The following RBM19 variants were observed in gnomAD, a reference collection of about 807,000 sequenced individuals.
RBM19 encodes probable RNA-binding protein 19.
In RBM19, 94 loss-of-function variants were observed where a neutral mutation model predicts 116.8. That is an observed-to-expected ratio of 0.80 (90% CI 0.68 to 0.95). The LOEUF (loss-of-function observed/expected upper bound fraction) is 0.95. Among genes scored for constraint, RBM19 ranks in the 40% least tolerant of loss-of-function variants. The probability of loss-of-function intolerance (pLI) is 0.00; values close to 1 mark genes in which losing one functional copy is unlikely to be tolerated. For missense variants in RBM19, 1,161 were observed against 1,220.7 expected (o/e 0.95, Z 0.73); for synonymous variants, 475 against 494.1 (o/e 0.96, Z 0.51).
chr12:113,922,778 C>T (rs911666302), intron 18 of RBM19, among the ~76,000 whole-genome samples: 1 of 152,142 alleles, frequency 6.6e-6, no homozygotes, highest in East Asian at 1.9e-4. Flanking sequence ...AGAATCCTGA[C>T]CCCCAGTATC....
chr12:113,851,877 C>T (rs1418745599), intron 22 of RBM19, among the ~76,000 whole-genome samples: 1 of 151,748 alleles, frequency 6.6e-6, no homozygotes, highest in Non-Finnish European at 1.5e-5. Context: ...ATGGAGAAAC[C>T]CCGTCTCTAC....
At chr12:113,849,127 A>C (rs1250959197) in intron 22 of RBM19, among the ~76,000 whole-genome samples, 1 of 152,166 alleles carries the variant, frequency 6.6e-6, no homozygotes, top group Non-Finnish European at 1.5e-5. Context: ...CTCCTCCTGC[A>C]CAGGCAACAG....
chr12:113,895,645 C>T (rs956405200), intron 21 of RBM19, among the ~76,000 whole-genome samples: 2 of 152,142 alleles, frequency 1.3e-5, no homozygotes, highest in South Asian at 2.1e-4. Context: ...GAAGGAGATT[C>T]GCAAATGAGT....
At chr12:113,826,442 C>T (rs534716966) in intron 23 of RBM19, among the ~76,000 whole-genome samples, 2 of 152,182 alleles carry the variant, frequency 1.3e-5, no homozygotes, top group African/African-American at 2.4e-5. Flanking sequence ...AATTGAGGGT[C>T]AAGTAGTGTA....
chr12:113,888,141 C>T (rs570525040), intron 21 of RBM19, among the ~76,000 whole-genome samples: 20 of 152,264 alleles, frequency 1.3e-4, no homozygotes, highest in Admixed American at 2.0e-4. Context: ...AGAAAGACAG[C>T]GAGAGAACAG....
intron 1 of RBM19, among the ~76,000 whole-genome samples, chr12:113,964,226 AC>A (rs1460571603): frequency 6.6e-6 from 1 of 152,192 alleles, no homozygotes; most frequent in Non-Finnish European, 1.5e-5. Flanking sequence ...TATAAATTAC[AC>A]CAGTGTGTGA....
rs181990601 is a variant in RBM19, at chr12:113,869,271, G to A, written c.2559-10375C>T. Among the ~76,000 whole-genome samples the A allele has an allele frequency of 6.3e-4, 96 of 152,326 alleles. 1 individual carries two copies. The highest frequency in any genetic ancestry group is 2.2e-3 in the African/African-American group (90 of 41,578). ...ATTCTGTGATTCGTGGAACTCTGAA[G>A]AAGCAGTGGATCTCCCTCTTATCCA... is the stretch of plus-strand genomic sequence containing the variant. On this transcript the variant is annotated intron_variant, in intron 21 of 23. Transcript: ENST00000261741.
At chr12:113,850,437 G>T (rs964664896) in intron 22 of RBM19, among the ~76,000 whole-genome samples, 1 of 152,236 alleles carries the variant, frequency 6.6e-6, no homozygotes, top group Non-Finnish European at 1.5e-5. Context: ...GCATCAAGAG[G>T]CCTGGCCTCC....
chr12:113,946,620 C>T (rs1003269098), intron 11 of RBM19, 145 bp from the exon 12 acceptor site: 8 of 1,036,224 alleles, frequency 7.7e-6, no homozygotes, highest in East Asian at 2.6e-5. Context: ...TCAGGTAGAA[C>T]GTGGCCACTC....
Position 113,955,127 on chromosome 12 carries a change from A to G in RBM19, c.921+4T>C, listed in dbSNP as rs767151906. The G allele has an allele frequency of 3.7e-6, 6 of 1,613,884 alleles. No individual in the cohort carries two copies. Among genetic ancestry groups the G allele is most frequent in the African/African-American group, 1.3e-5 (1 of 75,030 alleles). On this transcript the variant is annotated splice_donor_region_variant and intron_variant, in intron 7 of 23. Transcript: ENST00000261741. ...GCCGACCCTTGTCCTCAGTTAGCACATACCTCTGTGACATTGAACGGGGCT... is the reference window on the plus strand; with the variant it reads ...GCCGACCCTTGTCCTCAGTTAGCACGTACCTCTGTGACATTGAACGGGGCT...
Position 113,946,454 on chromosome 12 carries a change from G to T in RBM19, c.1429C>A (p.Pro477Thr). 6.2e-7 allele frequency: 1 copy of T among 1,614,154 alleles called. No homozygotes were observed. Among genetic ancestry groups the T allele is most frequent in the Non-Finnish European group, 8.5e-7 (1 of 1,180,004 alleles). ...CTGGCTTCCTTCTTGATGGTAGATG[G>T]TAACACGTGGAGCATCCTGCCCTGG... ...VFQGRMLHVLPSTIKKEASED... is the reference protein window; with the variant it reads ...VFQGRMLHVLTSTIKKEASED... The change falls in exon 12 of 24, where the codon CCA (proline) becomes ACA (threonine). Residue 477 changes from proline to threonine, a missense_variant. By Grantham distance (38) the Pro-to-Thr change is conservative. Transcript: ENST00000261741.
chr12:113,877,958 C>G (rs1317054409), intron 21 of RBM19, among the ~76,000 whole-genome samples: 1 of 152,152 alleles, frequency 6.6e-6, no homozygotes, highest in Non-Finnish European at 1.5e-5. Context: ...CCATGGCCTA[C>G]CGGCAGAATC....
chr12:113,895,354 G>A (rs1334588174), intron 21 of RBM19, among the ~76,000 whole-genome samples: 1 of 152,080 alleles, frequency 6.6e-6, no homozygotes, highest in African/African-American at 2.4e-5. Flanking sequence ...GAAACAGTCA[G>A]GACCACCTCT....
intron 16 of RBM19, 42 bp downstream of exon 16, chr12:113,936,965 A>G: frequency 3.1e-6 from 5 of 1,602,460 alleles, no homozygotes; most frequent in Non-Finnish European, 4.3e-6. Context: ...CCTTTCCCTC[A>G]CCAGGATCCC....
intron 21 of RBM19, among the ~76,000 whole-genome samples, chr12:113,890,571 C>T (rs557896504): frequency 6.6e-6 from 1 of 152,344 alleles, no homozygotes; most frequent in East Asian, 1.9e-4. Flanking sequence ...CACTGGCTTC[C>T]GAGTGTATCG....
In RBM19 at chr12:113,937,073, G is replaced by A. The variant is rs1413552600; in HGVS notation, c.2002C>T (p.Gln668Ter). Residue 668 changes from glutamine to a stop codon, truncating the protein, a stop_gained, in exon 16 of 24, where the codon CAG becomes TAG. Coordinates refer to ENST00000261741, the MANE Select transcript of RBM19 (RefSeq NM_016196.4). LOFTEE classifies it high-confidence loss of function. ...GGTGTGTCTTGGAGCTTTTTCTTCTGTGGGGCTGTGCTGGAGAAGACGCCA... is the reference window on the plus strand; with the variant it reads ...GGTGTGTCTTGGAGCTTTTTCTTCTATGGGGCTGTGCTGGAGAAGACGCCA... ...PVGVFSSTAP[Q>*]KKKLQDTPSE... The A allele has an allele frequency of 6.2e-7, 1 of 1,613,958 alleles. No individual in the cohort carries two copies. Among genetic ancestry groups the A allele is most frequent in the East Asian group, 2.2e-5 (1 of 44,886 alleles).
At position 113,823,138 on chromosome 12, in the gene RBM19, C is replaced by A; in HGVS notation, c.*86G>T. 1.5e-6 allele frequency: 2 copies of A among 1,329,544 alleles called. No individual in the cohort carries two copies. Among genetic ancestry groups the A allele is most frequent in the African/African-American group, 1.5e-5 (1 of 68,700 alleles). The allele number at this position is 1,329,544 out of a possible 1,614,324, so 82.4% of individuals were successfully genotyped here. Reference sequence around the variant, plus strand: ...CGCCTGCCGCTCCCCGCCCCGCCCCCCAGCCCACATGGTGGTGAGTGCAGA... The same window carrying A: ...CGCCTGCCGCTCCCCGCCCCGCCCCACAGCCCACATGGTGGTGAGTGCAGA... On this transcript the variant is annotated 3_prime_UTR_variant, in exon 24 of 24. Transcript: ENST00000261741.
downstream of RBM19, among the ~76,000 whole-genome samples, chr12:113,821,144 G>A (rs185797922): frequency 1.3e-5 from 2 of 152,274 alleles, no homozygotes; most frequent in East Asian, 1.9e-4. Flanking sequence ...GGACTGTTAC[G>A]GAGCCCAGGC....
intron 13 of RBM19, among the ~76,000 whole-genome samples, chr12:113,942,635 C>G (rs1402580091): frequency 6.9e-6 from 1 of 145,348 alleles, no homozygotes; most frequent in African/African-American, 2.6e-5. Flanking sequence ...GGGTCTCACT[C>G]TGTCATATCT....
Sources: gnomAD v4.1 joint callset for allele counts (sites outside exome capture counted in the v4.1 genomes callset) on GRCh38, gnomAD v4.1.1 for gene constraint, MANE v1.5 for transcripts, NCBI Gene and HGNC (gene_info 2026-07-23, HGNC 2026-07-21) for gene names.